The following SH3BGRL variants were observed in gnomAD, a reference collection of about 807,000 sequenced individuals.
The protein encoded by SH3BGRL is SH3 domain binding glutamate rich protein like.
A neutral mutation model predicts 9.8 loss-of-function variants in SH3BGRL; 7 were observed. The ratio of observed to expected loss-of-function variants is 0.72; its 90% CI spans 0.41 to 1.35. The LOEUF (loss-of-function observed/expected upper bound fraction) is 1.35, where lower values mean the gene tolerates loss of function less well. Ranked by LOEUF, SH3BGRL falls within the 40% of genes most tolerant of loss-of-function variation. The pLI, the probability that SH3BGRL is intolerant of heterozygous loss-of-function variation, is 0.01. For missense variants in SH3BGRL, 73 were observed against 84.4 expected, an observed-to-expected ratio of 0.86 and a Z score of 0.53; for synonymous variants, 36 against 29.1, an observed-to-expected ratio of 1.24 and a Z score of -0.76.
chrX:81,239,363 G>A (rs929486067), intron 1 of SH3BGRL, among the ~76,000 whole-genome samples: 11 of 112,269 alleles, frequency 9.8e-5, no homozygotes, highest in African/African-American at 3.6e-4. Context: ...CAGAAATTCT[G>A]GAGCAGAAAA....
At chrX:81,276,471 G>A (rs1160122138) in intron 1 of SH3BGRL, among the ~76,000 whole-genome samples, 1 of 110,896 alleles carries the variant, frequency 9.0e-6, no homozygotes, top group African/African-American at 3.3e-5. Context: ...ATATATTCTT[G>A]TTCAGTTTCT....
chrX:81,293,956 G>T (rs2075866242), intron 3 of SH3BGRL, among the ~76,000 whole-genome samples: 1 of 111,605 alleles, frequency 9.0e-6, no homozygotes, highest in Non-Finnish European at 1.9e-5. Context: ...CTGCCCTAGG[G>T]ATTTATAGAA....
At chrX:81,212,716 G>A (rs941426159) in intron 1 of SH3BGRL, among the ~76,000 whole-genome samples, 1 of 111,304 alleles carries the variant, frequency 9.0e-6, no homozygotes, top group Non-Finnish European at 1.9e-5. Flanking sequence ...AGTTGAACTC[G>A]AGAAGTAAAG....
At position 81,298,206 on chromosome X, in the gene SH3BGRL, G is replaced by A. The variant is rs893428190; in HGVS notation, c.*979G>A. 1.9e-4 allele frequency: 21 copies of A among 111,455 alleles called. No individual in the cohort carries two copies. Among genetic ancestry groups the A allele is most frequent in the Admixed American group, 1.5e-3 (16 of 10,452 alleles). 9.2% of individuals were successfully genotyped at this position (111,455 alleles called of 1,213,427 possible). A position where few individuals can be genotyped will look rare whatever the true frequency, so the allele number is the denominator to read the frequency against. On this transcript the variant is annotated 3_prime_UTR_variant, in exon 4 of 4. Transcript: ENST00000373212. ...CAGTTTAGCCATGTATTGTATGAGTGTATTAGTCTAAGCAGTGAGAATCTT... is the reference window on the plus strand; with the variant it reads ...CAGTTTAGCCATGTATTGTATGAGTATATTAGTCTAAGCAGTGAGAATCTT...
intron 1 of SH3BGRL, among the ~76,000 whole-genome samples, chrX:81,211,467 G>C (rs1422869505): frequency 9.0e-6 from 1 of 110,884 alleles, no homozygotes; most frequent in Non-Finnish European, 1.9e-5. Context: ...GGCGCCTGTA[G>C]TCCCAGCTAC....
chrX:81,202,396 C>T lies in SH3BGRL; in HGVS notation c.45+151C>T, dbSNP rs779782230. ...CCCACCCTTCTTCTTCCCTTTTTTC[C>T]CTTTGTTGCATCGATTTCATTTTTT... is the stretch of plus-strand genomic sequence containing the variant. On this transcript the variant is annotated intron_variant, in intron 1 of 3. Coordinates refer to ENST00000373212, the MANE Select transcript of SH3BGRL (RefSeq NM_003022.3). The T allele has an allele frequency of 4.4e-4, 450 of 1,016,529 alleles. 1 individual carries two copies. The highest frequency in any genetic ancestry group is 1.1e-3 in the South Asian group (36 of 31,772). 83.8% of individuals were successfully genotyped at this position (1,016,529 alleles called of 1,213,427 possible).
chrX:81,278,120 C>A (rs112781670), intron 2 of SH3BGRL, among the ~76,000 whole-genome samples: 245 of 111,545 alleles, frequency 2.2e-3, no homozygotes, highest in African/African-American at 7.8e-3. Flanking sequence ...GTGCCCCCAC[C>A]CCTGGCTAAT....
chrX:81,211,900 A>T (rs183826331), intron 1 of SH3BGRL, among the ~76,000 whole-genome samples: 18 of 111,398 alleles, frequency 1.6e-4, no homozygotes, highest in African/African-American at 5.2e-4. Context: ...ATATACACAC[A>T]TATATCCTAC....
At chrX:81,210,193 A>G (rs1319676689) in intron 1 of SH3BGRL, among the ~76,000 whole-genome samples, 1 of 110,999 alleles carries the variant, frequency 9.0e-6, no homozygotes, top group African/African-American at 3.3e-5. Flanking sequence ...AACACCAGAG[A>G]ATATTCATCT....
At chrX:81,251,029 A>G (rs1397929060) in intron 1 of SH3BGRL, among the ~76,000 whole-genome samples, 1 of 112,364 alleles carries the variant, frequency 8.9e-6, no homozygotes, top group East Asian at 2.8e-4. Flanking sequence ...CTGATTTTTA[A>G]TGAAGACTGC....
intron 1 of SH3BGRL, among the ~76,000 whole-genome samples, chrX:81,263,017 C>A (rs2075745777): frequency 9.1e-6 from 1 of 110,476 alleles, no homozygotes; most frequent in Non-Finnish European, 1.9e-5. Flanking sequence ...AACATTGGTA[C>A]TCTTTGATTA....
At chrX:81,226,602 T>C (rs941664200) in intron 1 of SH3BGRL, among the ~76,000 whole-genome samples, 3 of 105,650 alleles carry the variant, frequency 2.8e-5, no homozygotes, top group Non-Finnish European at 5.8e-5. Flanking sequence ...TATGTATTTA[T>C]ATTTTATTTA....
At chrX:81,246,460 A>T (rs1473724725) in intron 1 of SH3BGRL, among the ~76,000 whole-genome samples, 1 of 111,875 alleles carries the variant, frequency 8.9e-6, no homozygotes, top group African/African-American at 3.2e-5. Flanking sequence ...TAAATATTTA[A>T]TTCACCTTGA....
Position 81,297,353 on chromosome X carries a change from A to G in SH3BGRL, c.*126A>G. 1 of 506,746 alleles carries G rather than the reference A, an allele frequency of 2.0e-6. No homozygotes were observed. Among genetic ancestry groups the G allele is most frequent in the Non-Finnish European group, 3.3e-6 (1 of 307,068 alleles). The allele number at this position is 506,746 out of a possible 1,213,427, so 41.8% of individuals were successfully genotyped here. ...GAAATAATAGATTAGTTGGGTTTTC[A>G]CATGCAAACATTCAAAATGAATACA... On this transcript the variant is annotated 3_prime_UTR_variant, in exon 4 of 4. Transcript: ENST00000373212.
At chrX:81,247,883 C>T (rs756030083) in intron 1 of SH3BGRL, among the ~76,000 whole-genome samples, 3 of 109,809 alleles carry the variant, frequency 2.7e-5, no homozygotes, top group Non-Finnish European at 5.7e-5. Context: ...GGAATGGGTA[C>T]AAGTTCTTCT....
intron 3 of SH3BGRL, among the ~76,000 whole-genome samples, chrX:81,281,574 T>C (rs2075816746): frequency 8.9e-6 from 1 of 112,028 alleles, no homozygotes; most frequent in African/African-American, 3.2e-5. Flanking sequence ...AAATTAAGCA[T>C]CATATATGAA....
At chrX:81,234,958 A>G (rs1329400609) in intron 1 of SH3BGRL, among the ~76,000 whole-genome samples, 1 of 111,726 alleles carries the variant, frequency 9.0e-6, no homozygotes, top group African/African-American at 3.2e-5. Flanking sequence ...CAAATTTTGG[A>G]TTCAGGATAC....
intron 3 of SH3BGRL, among the ~76,000 whole-genome samples, chrX:81,290,620 C>T (rs2075854570): frequency 1.8e-5 from 2 of 108,597 alleles, no homozygotes; most frequent in Non-Finnish European, 1.9e-5. Flanking sequence ...GTTAATGGCA[C>T]AAAAAACAGA....
intron 1 of SH3BGRL, among the ~76,000 whole-genome samples, chrX:81,237,911 G>A (rs1189840878): frequency 9.3e-6 from 1 of 106,966 alleles, no homozygotes; most frequent in African/African-American, 3.4e-5. Flanking sequence ...AGCCACAGCA[G>A]GACAGGGCAC....
Sources: allele counts gnomAD v4.1 joint callset (sites outside exome capture counted in the v4.1 genomes callset), GRCh38; gene constraint gnomAD v4.1.1; transcripts MANE v1.5; gene names NCBI Gene and HGNC (gene_info 2026-07-23, HGNC 2026-07-21).